Variants in CDH13 observed in about 807,000 individuals in gnomAD.
The protein encoded by CDH13 is cadherin 13.
CDH13 carries 24 observed loss-of-function variants against 63.8 expected under a neutral mutation model. That is an observed-to-expected ratio of 0.38 (90% CI 0.27 to 0.53). CDH13 has a LOEUF of 0.53. Among genes scored for constraint, CDH13 ranks in the 20% least tolerant of loss-of-function variants. The pLI is 0.85. For missense variants in CDH13, 1,049 were observed against 903.1 expected (o/e 1.16, Z -2.07); for synonymous variants, 503 against 355.3 (o/e 1.42, Z -4.67).
chr16:83,229,581 C>T (rs981574273), intron 5 of CDH13, among the ~76,000 whole-genome samples: 2 of 151,674 alleles, frequency 1.3e-5, no homozygotes, highest in Non-Finnish European at 2.9e-5. Context: ...CTGTTGATTT[C>T]TTTGATTGGT....
intron 2 of CDH13, among the ~76,000 whole-genome samples, chr16:82,887,740 G>A (rs2040940935): frequency 1.3e-5 from 2 of 152,114 alleles, no homozygotes; most frequent in African/African-American, 4.8e-5. Context: ...AGAATTGCTT[G>A]AACCCTGCGG....
At chr16:82,930,834 G>T (rs2042467425) in intron 2 of CDH13, among the ~76,000 whole-genome samples, 2 of 152,100 alleles carry the variant, frequency 1.3e-5, no homozygotes. Context: ...TTCCTTTTTA[G>T]GAAATGATGA....
chr16:82,808,989 G>C (rs1261038899), intron 1 of CDH13, among the ~76,000 whole-genome samples: 1 of 152,072 alleles, frequency 6.6e-6, no homozygotes, highest in Non-Finnish European at 1.5e-5. Context: ...GTAGATATGT[G>C]TATATGTATG....
At chr16:82,929,680 A>C (rs2042419960) in intron 2 of CDH13, among the ~76,000 whole-genome samples, 1 of 139,650 alleles carries the variant, frequency 7.2e-6, no homozygotes, top group African/African-American at 2.6e-5. Context: ...AAAAAAAAAA[A>C]AAAGAAGACA....
Position 83,016,308 on chromosome 16 carries a change from C to T in CDH13, c.158-15702C>T, listed in dbSNP as rs183964207. Among the ~76,000 whole-genome samples the T allele has an allele frequency of 2.7e-3, 410 of 152,320 alleles. 2 individuals are homozygous for T. Among genetic ancestry groups the T allele is most frequent in the African/African-American group, 9.1e-3 (377 of 41,584 alleles). On this transcript the variant is annotated intron_variant, in intron 2 of 13. Coordinates refer to ENST00000567109, the MANE Select transcript of CDH13 (RefSeq NM_001257.5). ...GTCTTGTCAACTAGACAGAACCAAT[C>T]TGTAATCACAGCTGATGAGTATCTC... is the stretch of plus-strand genomic sequence containing the variant.
chr16:83,320,048 G>T lies in CDH13; in HGVS notation c.637-24814G>T, dbSNP rs117060236. ...AGACTTGGACTGTCTTGGACTGCCC[G>T]TTTGTTTATGAGACAGGGTCTCATT... On this transcript the variant is annotated intron_variant, in intron 5 of 13. Transcript: ENST00000567109. Among the ~76,000 whole-genome samples the T allele has an allele frequency of 9.1e-3, 1,382 of 152,226 alleles. 19 individuals are homozygous for T. The highest frequency in any genetic ancestry group is 0.063 in the East Asian group (324 of 5,172).
intron 2 of CDH13, among the ~76,000 whole-genome samples, chr16:82,957,609 G>T (rs1470866547): frequency 1.3e-5 from 2 of 152,166 alleles, no homozygotes; most frequent in Non-Finnish European, 2.9e-5. Flanking sequence ...AACATGCAGG[G>T]CAGTATACTT....
At chr16:82,856,500 G>C (rs1358656262) in intron 1 of CDH13, among the ~76,000 whole-genome samples, 1 of 151,446 alleles carries the variant, frequency 6.6e-6, no homozygotes, top group African/African-American at 2.4e-5. Context: ...TCAGGAGTTT[G>C]AGAGCAGCCT....
chr16:83,655,464 A>G (rs1003184729), intron 8 of CDH13, among the ~76,000 whole-genome samples: 3 of 152,242 alleles, frequency 2.0e-5, no homozygotes, highest in African/African-American at 7.2e-5. Flanking sequence ...GAATGGCAAG[A>G]TGGTGCCAGT....
At chr16:83,418,569 G>A (rs959604542) in intron 6 of CDH13, among the ~76,000 whole-genome samples, 2 of 152,136 alleles carry the variant, frequency 1.3e-5, no homozygotes, top group Admixed American at 6.6e-5. Flanking sequence ...GGTTTGATCC[G>A]ATGTCTTGGA....
chr16:82,702,206 T>C (rs2031087806), intron 1 of CDH13, among the ~76,000 whole-genome samples: 1 of 152,180 alleles, frequency 6.6e-6, no homozygotes. Context: ...CTGTTGCAGA[T>C]GTGTTCACTC....
chr16:83,010,135 CAAAAAAAAAAAAA>C (rs67985333), intron 2 of CDH13, among the ~76,000 whole-genome samples: 1 of 50,118 alleles, frequency 2.0e-5, no homozygotes, highest in Non-Finnish European at 3.4e-5. Flanking sequence ...AACTCTGTCT[CAAAAAAAAAAAAA>C]AAAAAAAAAA....
At chr16:83,368,683 C>A (rs562357764) in intron 6 of CDH13, among the ~76,000 whole-genome samples, 1 of 151,246 alleles carries the variant, frequency 6.6e-6, no homozygotes, top group African/African-American at 2.4e-5. Flanking sequence ...CAACCCTTTC[C>A]CCAAGTCCCC....
chr16:83,216,769 C>T lies in CDH13; in HGVS notation c.484-576C>T, dbSNP rs1457691423. On this transcript the variant is annotated intron_variant, in intron 4 of 13. Coordinates refer to ENST00000567109, the MANE Select transcript of CDH13 (RefSeq NM_001257.5). ...ATATATAATATTTAGGGGTTATATA[C>T]ATATTATATATATAAGCCCCCTAAA... Among the ~76,000 whole-genome samples, 7 of 148,872 alleles carry T rather than the reference C, an allele frequency of 4.7e-5. No homozygotes were observed. The East Asian group carries it at 8.0e-4, about 17-fold the overall frequency.
At chr16:83,335,754 T>C (rs958414416) in intron 5 of CDH13, among the ~76,000 whole-genome samples, 9 of 152,140 alleles carry the variant, frequency 5.9e-5, no homozygotes, top group African/African-American at 2.2e-4. Context: ...TGTTCCGATC[T>C]AATTACCGGT....
intron 1 of CDH13, among the ~76,000 whole-genome samples, chr16:82,834,396 A>G (rs1006749121): frequency 4.6e-5 from 7 of 152,202 alleles, no homozygotes; most frequent in Non-Finnish European, 8.8e-5. Context: ...TTCAAAGAGC[A>G]TCTATTCAGG....
chr16:83,157,061 C>T (rs528788900), intron 4 of CDH13, among the ~76,000 whole-genome samples: 6 of 152,290 alleles, frequency 3.9e-5, no homozygotes, highest in African/African-American at 7.2e-5. Flanking sequence ...ACTCCAATGA[C>T]GTCAGGCCAC....
intron 1 of CDH13, among the ~76,000 whole-genome samples, chr16:82,804,414 A>G (rs570962615): frequency 1.5e-4 from 23 of 152,202 alleles, no homozygotes; most frequent in Non-Finnish European, 2.9e-4. Context: ...ATATGCATAT[A>G]TAAAACATAT....
At chr16:83,585,077 C>T (rs1211281145) in intron 7 of CDH13, among the ~76,000 whole-genome samples, 1 of 152,124 alleles carries the variant, frequency 6.6e-6, no homozygotes, top group African/African-American at 2.4e-5. Flanking sequence ...CATATCCAAA[C>T]CGTATCAGAT....
Sources: allele counts gnomAD v4.1 joint callset (sites outside exome capture counted in the v4.1 genomes callset), GRCh38; gene constraint gnomAD v4.1.1; transcripts MANE v1.5; gene names NCBI Gene and HGNC (gene_info 2026-07-23, HGNC 2026-07-21).